The following CEMIP variants were observed in gnomAD, a reference collection of about 807,000 sequenced individuals.
CEMIP encodes the protein cell migration inducing hyaluronidase 1.
A neutral mutation model predicts 156.9 loss-of-function variants in CEMIP; 105 were observed. The ratio of observed to expected loss-of-function variants is 0.67; its 90% confidence interval spans 0.57 to 0.79. CEMIP has a LOEUF of 0.79. CEMIP is among the 30% of genes least tolerant of loss of function. The probability of loss-of-function intolerance (pLI) is 0.00; values close to 1 mark genes in which losing one functional copy is unlikely to be tolerated. For synonymous variants in CEMIP, 676 were observed against 668.4 expected (o/e 1.01, Z -0.17); for missense variants, 1,457 against 1,769.4 (o/e 0.82, Z 3.17).
At chr15:80,810,827 T>C (rs1896654323) in intron 1 of CEMIP, among the ~76,000 whole-genome samples, 1 of 151,834 alleles carries the variant, frequency 6.6e-6, no homozygotes, top group African/African-American at 2.4e-5. Context: ...CATCCATCCA[T>C]CCATCCATCC....
chr15:80,875,242 C>G (rs549408846), intron 3 of CEMIP, among the ~76,000 whole-genome samples: 1 of 151,988 alleles, frequency 6.6e-6, no homozygotes, highest in African/African-American at 2.4e-5. Flanking sequence ...ACTATGTTGT[C>G]CAGGCTAGTC....
chr15:80,893,424 A>T (rs923481716), intron 10 of CEMIP, among the ~76,000 whole-genome samples: 10 of 152,212 alleles, frequency 6.6e-5, no homozygotes, highest in South Asian at 2.1e-4. Context: ...AGAATTGAGT[A>T]GATGTTCTCC....
In CEMIP at chr15:80,786,626, C is replaced by A. The variant is rs79647033; in HGVS notation, c.-176+7012C>A. The stretch of plus-strand genomic sequence containing the variant: ...AACAATTTTCAGTGAAAATTGAAAA[C>A]CAGAATTAAAATTAAAAACGGAAAT... On this transcript the variant is annotated intron_variant, in intron 1 of 29. Coordinates refer to ENST00000394685, the MANE Select transcript of CEMIP (RefSeq NM_001293298.2). Among the ~76,000 whole-genome samples the A allele has an allele frequency of 6.2e-4, 89 of 144,672 alleles. No individual in the cohort carries two copies. In the East Asian group the frequency reaches 0.016, roughly 26 times the overall value. 94.9% of individuals were successfully genotyped at this position (144,672 alleles called of 152,430 possible).
chr15:80,937,403 G>A (rs368635926), intron 24 of CEMIP, among the ~76,000 whole-genome samples: 1 of 152,244 alleles, frequency 6.6e-6, no homozygotes, highest in South Asian at 2.1e-4. Context: ...TTTACCAGAT[G>A]TGGGAAATGA....
rs1046255666 is a variant in CEMIP, at chr15:80,823,376, G to A, written c.-176+43762G>A. Among the ~76,000 whole-genome samples, 6 of 152,206 alleles carry A rather than the reference G, an allele frequency of 3.9e-5. No individual in the cohort carries two copies. The South Asian group carries it at 8.3e-4, about 21-fold the overall frequency. ...ACGTGAGGCCTTTGGAGATGATGCCGTCAGTGAGAGGAATCTGCCCTGGCA... is the reference window on the plus strand; with the variant it reads ...ACGTGAGGCCTTTGGAGATGATGCCATCAGTGAGAGGAATCTGCCCTGGCA... On this transcript the variant is annotated intron_variant, in intron 1 of 29. Transcript: ENST00000394685.
intron 14 of CEMIP, 124 bp from the exon 15 acceptor site, chr15:80,919,970 G>A (rs1015571779): frequency 2.2e-6 from 2 of 894,848 alleles, no homozygotes; most frequent in African/African-American, 3.3e-5. Context: ...GAGCACATGA[G>A]ACTATTTAGT....
intron 23 of CEMIP, among the ~76,000 whole-genome samples, chr15:80,934,807 C>G (rs1213669967): frequency 6.6e-6 from 1 of 152,038 alleles, no homozygotes; most frequent in South Asian, 2.1e-4. Context: ...GGAAGAAGGA[C>G]CAGAGGAAGA....
rs1339114311 is a variant in CEMIP at position 80,929,183 on chromosome 15, G to A, written c.2612+9G>A. ...ACCCTCCCTATAGGCCAGTAGGTTT[G>A]CAACCATGTAGCTCCTTATTCTGAG... On this transcript the variant is annotated intron_variant, in intron 21 of 29. Coordinates refer to ENST00000394685, the MANE Select transcript of CEMIP (RefSeq NM_001293298.2). The A allele has an allele frequency of 6.2e-7, 1 of 1,614,072 alleles. No individual in the cohort carries two copies. Among genetic ancestry groups the A allele is most frequent in the Non-Finnish European group, 8.5e-7 (1 of 1,180,036 alleles).
intron 1 of CEMIP, chr15:80,841,948 C>G (rs750628418): frequency 3.5e-6 from 1 of 289,510 alleles, no homozygotes; most frequent in African/African-American, 2.3e-5. Flanking sequence ...GGATTACATA[C>G]AAAGATGCAT....
chr15:80,894,139 AG>A (rs1308448484), intron 10 of CEMIP, among the ~76,000 whole-genome samples: 1 of 152,176 alleles, frequency 6.6e-6, no homozygotes, highest in Non-Finnish European at 1.5e-5. Flanking sequence ...GCTGGGGACA[AG>A]GGGGCAAAAA....
rs748014075 is a variant in CEMIP at position 80,922,046 on chromosome 15, C to T, written c.2111C>T (p.Thr704Met). Reference protein sequence around the residue: ...GFWFIFHHVPTGPSVGMYSPG... With the variant: ...GFWFIFHHVPMGPSVGMYSPG... The stretch of plus-strand genomic sequence containing the variant: ...TGGTTTATTTTTCACCACGTACCAA[C>T]GGGCCCCTCCGTGGGAATGTACTCC... The change falls in exon 17 of 30, where the codon ACG (threonine) becomes ATG (methionine). Residue 704 changes from threonine to methionine, a missense_variant. Physicochemically the swap from Thr to Met is moderately conservative, Grantham distance 81. Transcript: ENST00000394685. The T allele has an allele frequency of 8.1e-6, 13 of 1,614,124 alleles. No homozygotes were observed. The highest frequency in any genetic ancestry group is 1.1e-5 in the South Asian group (1 of 91,094).
chr15:80,926,923 T>G (rs1900705668), intron 19 of CEMIP, among the ~76,000 whole-genome samples: 1 of 150,554 alleles, frequency 6.6e-6, no homozygotes, highest in East Asian at 2.0e-4. Flanking sequence ...CTCTGCTTCC[T>G]GGGTTCAAGC....
chr15:80,840,876 G>A (rs1746783067), intron 1 of CEMIP, among the ~76,000 whole-genome samples: 1 of 152,200 alleles, frequency 6.6e-6, no homozygotes, highest in African/African-American at 2.4e-5. Flanking sequence ...AGGCAGGCTT[G>A]GAGGCTGTCG....
intron 1 of CEMIP, among the ~76,000 whole-genome samples, chr15:80,847,951 T>C (rs1897603825): frequency 1.3e-5 from 2 of 152,238 alleles, no homozygotes; most frequent in South Asian, 4.1e-4. Flanking sequence ...GAAGTCACGA[T>C]GCACAGCTCT....
At chr15:80,930,243 G>A (rs118064823) in intron 21 of CEMIP, among the ~76,000 whole-genome samples, 4,346 of 152,382 alleles carry the variant, frequency 0.029, 83 homozygotes, top group Middle Eastern at 0.099. Context: ...AGCATGAGCT[G>A]TGAGAAGCCC....
intron 1 of CEMIP, among the ~76,000 whole-genome samples, chr15:80,859,715 A>G: frequency 6.6e-6 from 1 of 152,230 alleles, no homozygotes. Flanking sequence ...TGCACCAAGA[A>G]CTGGAGAATT....
At chr15:80,935,297 C>T (rs1341399558) in intron 23 of CEMIP, among the ~76,000 whole-genome samples, 1 of 152,190 alleles carries the variant, frequency 6.6e-6, no homozygotes, top group Non-Finnish European at 1.5e-5. Flanking sequence ...CTGGCATCCA[C>T]ACTGTCAGCA....
chr15:80,875,981 T>C (rs1391146929), intron 3 of CEMIP, among the ~76,000 whole-genome samples: 1 of 152,242 alleles, frequency 6.6e-6, no homozygotes, highest in Non-Finnish European at 1.5e-5. Context: ...CAAATCCAGA[T>C]GCAAAGTCTA....
chr15:80,888,936 C>A (rs925151800), intron 9 of CEMIP, 140 bp downstream of exon 9: 12 of 788,162 alleles, frequency 1.5e-5, no homozygotes, highest in South Asian at 2.9e-5. Flanking sequence ...AATGTGCAAC[C>A]AAAAGTTGTC....
Sources: allele counts gnomAD v4.1 joint callset (sites outside exome capture counted in the v4.1 genomes callset), GRCh38; gene constraint gnomAD v4.1.1; transcripts MANE v1.5; gene names NCBI Gene and HGNC (gene_info 2026-07-23, HGNC 2026-07-21).